Variants in MYT1L observed in about 807,000 individuals in gnomAD.
The protein encoded by MYT1L is myelin transcription factor 1-like protein.
In MYT1L, 12 loss-of-function variants were observed where a neutral mutation model predicts 126.7. That is an observed-to-expected ratio of 0.09 (90% confidence interval 0.06 to 0.15). The LOEUF is 0.15. MYT1L is among the 10% of genes least tolerant of loss of function. MYT1L has a pLI of 1.00. For synonymous variants in MYT1L, 541 were observed against 604.2 expected, an observed-to-expected ratio of 0.90 and a Z score of 1.53; for missense variants, 979 against 1,585.2, an observed-to-expected ratio of 0.62 and a Z score of 6.49.
At chr2:2,260,242 A>C (rs2094928083) in intron 2 of MYT1L, among the ~76,000 whole-genome samples, 1 of 152,166 alleles carries the variant, frequency 6.6e-6, no homozygotes. Flanking sequence ...TGCCTCCGTG[A>C]CCCCATCTGT....
At position 1,942,881 on chromosome 2, in the gene MYT1L, A is replaced by G. The variant is rs189741782; in HGVS notation, c.505+101T>C. 17 of 1,428,484 alleles carry G rather than the reference A, an allele frequency of 1.2e-5. No homozygotes were observed. The East Asian group carries it at 4.0e-4, about 34-fold the overall frequency. 88.5% of individuals were successfully genotyped at this position (1,428,484 alleles called of 1,614,324 possible). A position where few individuals can be genotyped will look rare whatever the true frequency, so the allele number is the denominator to read the frequency against. On this transcript the variant is annotated intron_variant, in intron 9 of 24. Transcript: ENST00000647738. ...TTCTCAGTATTGACCAAGAAGAACA[A>G]TTTCTTTATATGCCAGTCATTCGTA...
At chr2:2,096,105 G>T (rs1255546034) in intron 3 of MYT1L, among the ~76,000 whole-genome samples, 1 of 152,194 alleles carries the variant, frequency 6.6e-6, no homozygotes, top group Non-Finnish European at 1.5e-5. Flanking sequence ...CATCACAAAA[G>T]AATGACCACA....
chr2:2,004,236 T>G (rs2062815453), intron 4 of MYT1L, among the ~76,000 whole-genome samples: 1 of 142,980 alleles, frequency 7.0e-6, no homozygotes, highest in Non-Finnish European at 1.6e-5. Flanking sequence ...CGTTCTTTCC[T>G]GCAGGCGTTC....
At chr2:1,864,388 A>G (rs1042162122) in intron 18 of MYT1L, among the ~76,000 whole-genome samples, 3 of 152,134 alleles carry the variant, frequency 2.0e-5, no homozygotes, top group African/African-American at 7.2e-5. Context: ...CAGGCCCTCC[A>G]CAGTCTTGCC....
At chr2:1,797,927 C>T (rs901603699) in intron 23 of MYT1L, among the ~76,000 whole-genome samples, 1 of 61,834 alleles carries the variant, frequency 1.6e-5, no homozygotes, top group Admixed American at 1.7e-4. Flanking sequence ...CGGCGGTCTC[C>T]CCCTTCTCCG....
chr2:1,827,781 ATTGGCAGACGAGGAAC>A (rs2039561903), intron 21 of MYT1L: 2 of 152,054 alleles, frequency 1.3e-5, no homozygotes, highest in Non-Finnish European at 2.9e-5. Context: ...CCTCCACACA[ATTGGCAGACGAGGAAC>A]TACCCTCCTG....
intron 3 of MYT1L, among the ~76,000 whole-genome samples, chr2:2,145,952 G>T (rs2084815254): frequency 6.6e-6 from 1 of 152,130 alleles, no homozygotes; most frequent in African/African-American, 2.4e-5. Flanking sequence ...AGAATGTGAG[G>T]AAACAGAAGT....
At chr2:1,956,737 T>A (rs547864007) in intron 8 of MYT1L, among the ~76,000 whole-genome samples, 13 of 152,080 alleles carry the variant, frequency 8.5e-5, no homozygotes, top group Non-Finnish European at 1.8e-4. Context: ...TGACAAGAGA[T>A]ATAAGTTGAC....
intron 3 of MYT1L, among the ~76,000 whole-genome samples, chr2:2,118,103 T>G (rs2080470663): frequency 6.7e-6 from 1 of 148,816 alleles, no homozygotes; most frequent in Non-Finnish European, 1.5e-5. Flanking sequence ...GAATATTATT[T>G]ATATTTTTAT....
chr2:2,065,478 T>G (rs1276458511), intron 3 of MYT1L, among the ~76,000 whole-genome samples: 1 of 152,136 alleles, frequency 6.6e-6, no homozygotes, highest in Non-Finnish European at 1.5e-5. Context: ...ATTAAATTGA[T>G]CAGCTGCCTC....
chr2:2,076,073 T>C (rs1054210678), intron 3 of MYT1L, among the ~76,000 whole-genome samples: 2 of 152,138 alleles, frequency 1.3e-5, no homozygotes, highest in East Asian at 1.9e-4. Context: ...CAGGGAATCA[T>C]GGAGACAGCA....
intron 3 of MYT1L, among the ~76,000 whole-genome samples, chr2:2,147,474 G>T (rs75929217): frequency 6.6e-6 from 1 of 152,170 alleles, no homozygotes; most frequent in Non-Finnish European, 1.5e-5. Flanking sequence ...GATGCCATTC[G>T]GCTATGTCCC....
At chr2:1,911,940 G>A (rs889906507) in intron 12 of MYT1L, 80 bp downstream of exon 12, 9 of 1,130,028 alleles carry the variant, frequency 8.0e-6, no homozygotes, top group South Asian at 1.7e-5. Context: ...CATATGGAGC[G>A]TGGTAGGCCC....
At chr2:1,794,215 C>T (rs1041187307) in intron 23 of MYT1L, among the ~76,000 whole-genome samples, 1 of 152,316 alleles carries the variant, frequency 6.6e-6, no homozygotes, top group African/African-American at 2.4e-5. Context: ...ACAGGCCCCT[C>T]GGCCCCTCCT....
intron 2 of MYT1L, among the ~76,000 whole-genome samples, chr2:2,226,667 A>T (rs1048547437): frequency 2.0e-5 from 3 of 152,104 alleles, no homozygotes; most frequent in African/African-American, 7.2e-5. Context: ...CATGACCTCT[A>T]TCAACTCATC....
chr2:2,003,844 A>AC (rs1056073969), intron 4 of MYT1L, among the ~76,000 whole-genome samples: 5 of 152,104 alleles, frequency 3.3e-5, no homozygotes, highest in Admixed American at 1.3e-4. Flanking sequence ...TGCTTCAGGC[A>AC]CCCTCACTCC....
intron 8 of MYT1L, among the ~76,000 whole-genome samples, chr2:1,968,773 C>T (rs760578312): frequency 3.5e-4 from 53 of 152,166 alleles, no homozygotes; most frequent in Admixed American, 3.0e-3. Flanking sequence ...TCTCTTTAGG[C>T]AGAGGCTGCA....
intron 9 of MYT1L, among the ~76,000 whole-genome samples, chr2:1,932,979 C>G (rs900413521): frequency 6.6e-6 from 1 of 152,132 alleles, no homozygotes; most frequent in African/African-American, 2.4e-5. Context: ...CACCAGCAGG[C>G]AGAAGCCAGG....
At chr2:2,069,188 C>T (rs905695890) in intron 3 of MYT1L, among the ~76,000 whole-genome samples, 53 of 152,092 alleles carry the variant, frequency 3.5e-4, no homozygotes, top group African/African-American at 1.2e-3. Flanking sequence ...TCGTCATTGA[C>T]ATTAGGTATT....
Sources: gnomAD v4.1 joint callset for allele counts (sites outside exome capture counted in the v4.1 genomes callset) on GRCh38, gnomAD v4.1.1 for gene constraint, MANE v1.5 for transcripts, NCBI Gene and HGNC (gene_info 2026-07-23, HGNC 2026-07-21) for gene names.